The following DAPK1 variants were observed in gnomAD, a reference collection of about 807,000 sequenced individuals.
DAPK1 encodes death-associated protein kinase 1.
Under a neutral mutation model 144.9 loss-of-function variants are expected in DAPK1, and 56 were observed. The ratio of observed to expected loss-of-function variants is 0.39; its 90% CI spans 0.31 to 0.48. The LOEUF (loss-of-function observed/expected upper bound fraction) is 0.48, where lower values mean the gene tolerates loss of function less well. Ranked by LOEUF, DAPK1 falls within the 20% of genes least tolerant of loss-of-function variation. DAPK1 has a pLI of 0.95. For missense variants in DAPK1, 1,454 were observed against 1,875.4 expected, an observed-to-expected ratio of 0.78 and a Z score of 4.15; for synonymous variants, 690 against 749.0, an observed-to-expected ratio of 0.92 and a Z score of 1.29.
intron 2 of DAPK1, among the ~76,000 whole-genome samples, chr9:87,570,327 C>T (rs1362666898): frequency 6.6e-6 from 1 of 152,148 alleles, no homozygotes; most frequent in African/African-American, 2.4e-5. Context: ...ATTATTAACA[C>T]AGAGAGGTAC....
At chr9:87,640,145 T>C (rs1830045435) in intron 7 of DAPK1, among the ~76,000 whole-genome samples, 153 bp from the exon 8 acceptor site, 1 of 152,212 alleles carries the variant, frequency 6.6e-6, no homozygotes, top group Admixed American at 6.5e-5. Context: ...AAGCATTTGC[T>C]CCTGACAGTT....
chr9:87,545,760 G>A (rs1023789655), intron 2 of DAPK1, among the ~76,000 whole-genome samples: 3 of 151,854 alleles, frequency 2.0e-5, no homozygotes, highest in Non-Finnish European at 4.4e-5. Context: ...GGTCAGGCTG[G>A]TCTCGAACTC....
chr9:87,538,741 CT>C (rs1236072717), intron 2 of DAPK1, among the ~76,000 whole-genome samples: 8 of 152,116 alleles, frequency 5.3e-5, no homozygotes, highest in Non-Finnish European at 1.0e-4. Flanking sequence ...AAAACCTCAT[CT>C]GCTTGACATT....
chr9:87,644,303 A>G (rs564809204), intron 11 of DAPK1, among the ~76,000 whole-genome samples: 3 of 152,168 alleles, frequency 2.0e-5, no homozygotes, highest in Non-Finnish European at 4.4e-5. Context: ...TCCCCTGACA[A>G]TCAAACAACG....
intron 3 of DAPK1, among the ~76,000 whole-genome samples, chr9:87,628,845 A>T (rs933894054): frequency 6.6e-6 from 1 of 152,202 alleles, no homozygotes; most frequent in Non-Finnish European, 1.5e-5. Flanking sequence ...TTATAGTAGT[A>T]CATGAATGAG....
At chr9:87,518,861 A>G (rs1825184398) in intron 2 of DAPK1, among the ~76,000 whole-genome samples, 1 of 152,128 alleles carries the variant, frequency 6.6e-6, no homozygotes. Flanking sequence ...CACCCTCAGT[A>G]AAATCAGCCA....
chr9:87,668,458 G>A (rs36216395), intron 18 of DAPK1, 139 bp from the exon 19 acceptor site: 32,441 of 696,614 alleles, frequency 0.047, 1,048 homozygotes, highest in East Asian at 0.13. Flanking sequence ...GAAACACACC[G>A]AGACGTGCTC....
Position 87,707,592 on chromosome 9 carries a change from A to T in DAPK1, c.*228A>T. ...AGTTTAAGAGCAGAACAGATCTTTT[A>T]CTTTGGCCGCTTGAAAAGCTAGTGT... is the stretch of plus-strand genomic sequence containing the variant. On this transcript the variant is annotated 3_prime_UTR_variant, in exon 26 of 26. Transcript: ENST00000408954. This position sits in a 1 kb window ranked among gnomAD's most constrained non-coding sequence, Gnocchi z 4.0. 1 of 568,172 alleles carries T rather than the reference A, an allele frequency of 1.8e-6. No individual in the cohort carries two copies. Among genetic ancestry groups the T allele is most frequent in the Non-Finnish European group, 3.1e-6 (1 of 319,942 alleles). 35.2% of individuals were successfully genotyped at this position (568,172 alleles called of 1,614,324 possible).
intron 21 of DAPK1, among the ~76,000 whole-genome samples, chr9:87,695,900 G>A (rs186568424): frequency 1.6e-3 from 245 of 152,130 alleles, no homozygotes; most frequent in Middle Eastern, 3.4e-3. Flanking sequence ...ATCCTCTATG[G>A]GACTTTGTGA....
intron 2 of DAPK1, among the ~76,000 whole-genome samples, chr9:87,506,402 A>C (rs530077093): frequency 9.2e-5 from 14 of 152,180 alleles, no homozygotes; most frequent in Non-Finnish European, 1.8e-4. Flanking sequence ...TCCTTTTCCA[A>C]ATGGCTTCAG....
At chr9:87,549,336 A>G (rs1429489619) in intron 2 of DAPK1, among the ~76,000 whole-genome samples, 1 of 152,040 alleles carries the variant, frequency 6.6e-6, no homozygotes, top group East Asian at 1.9e-4. Context: ...TATCCAATCT[A>G]TCATTGATGG....
chr9:87,518,719 C>T (rs1825177855), intron 2 of DAPK1, among the ~76,000 whole-genome samples: 1 of 152,072 alleles, frequency 6.6e-6, no homozygotes, highest in Non-Finnish European at 1.5e-5. Context: ...TGTGGAGTAG[C>T]GTAGAACCGT....
chr9:87,663,072 C>A (rs1488019610), intron 18 of DAPK1, among the ~76,000 whole-genome samples: 1 of 152,006 alleles, frequency 6.6e-6, no homozygotes, highest in Non-Finnish European at 1.5e-5. Context: ...CCAGCGCCCC[C>A]TGCTGCCACC....
chr9:87,677,923 A>G (rs959195856), intron 19 of DAPK1, among the ~76,000 whole-genome samples: 7 of 152,154 alleles, frequency 4.6e-5, no homozygotes, highest in Non-Finnish European at 8.8e-5. Context: ...GCTGGGGACA[A>G]TTCAGAGCCC....
chr9:87,541,616 A>G (rs1164799009), intron 2 of DAPK1, among the ~76,000 whole-genome samples: 1 of 152,166 alleles, frequency 6.6e-6, no homozygotes, highest in African/African-American at 2.4e-5. Flanking sequence ...CTGTCCAACT[A>G]GAAGCATCAT....
chr9:87,659,613 G>A (rs1336915764), intron 18 of DAPK1, among the ~76,000 whole-genome samples: 1 of 152,038 alleles, frequency 6.6e-6, no homozygotes, highest in Non-Finnish European at 1.5e-5. Flanking sequence ...TCCGTGAGCC[G>A]CGGGCCCCTC....
intron 2 of DAPK1, among the ~76,000 whole-genome samples, chr9:87,561,248 C>T (rs1429004349): frequency 1.3e-5 from 2 of 152,064 alleles, no homozygotes; most frequent in African/African-American, 2.4e-5. Flanking sequence ...AATATGTGGC[C>T]GGGCGTAGTG....
In DAPK1 at chr9:87,498,950, C is replaced by CTTTTTTTTTTT; in HGVS notation, c.-108-10_-108-9insTTTTTTTTTTT. 1.6e-6 allele frequency: 1 copy of CTTTTTTTTTTT among 631,948 alleles called. No individual in the cohort carries two copies. The highest frequency in any genetic ancestry group is 2.7e-6 in the Non-Finnish European group (1 of 363,952). 39.1% of individuals were successfully genotyped at this position (631,948 alleles called of 1,614,324 possible). A position where few individuals can be genotyped will look rare whatever the true frequency, so the allele number is the denominator to read the frequency against. On this transcript the variant is annotated intron_variant, in intron 1 of 25. Coordinates refer to ENST00000408954, the MANE Select transcript of DAPK1 (RefSeq NM_004938.4). ...GTTGCCATTTTACTATTATTATTGC[C>CTTTTTTTTTTT]TTTTTTTTTTCTTCAAAAGGACTGG...
intron 2 of DAPK1, among the ~76,000 whole-genome samples, chr9:87,543,979 A>C (rs1295818654): frequency 6.6e-6 from 1 of 152,200 alleles, no homozygotes; most frequent in Non-Finnish European, 1.5e-5. Flanking sequence ...GTAAATATAT[A>C]ATCCTCTGGA....
Sources: gnomAD v4.1 joint callset for allele counts (sites outside exome capture counted in the v4.1 genomes callset) on GRCh38, gnomAD v4.1.1 for gene constraint, Gnocchi (gnomAD v3.1) non-coding constraint, MANE v1.5 for transcripts, NCBI Gene and HGNC (gene_info 2026-07-23, HGNC 2026-07-21) for gene names.